TLN1: variants seen among roughly 807,000 people sequenced by gnomAD.
TLN1 encodes talin-1.
Under a neutral mutation model 292.3 loss-of-function variants are expected in TLN1, and 56 were observed. The ratio of observed to expected loss-of-function variants is 0.19; its 90% CI spans 0.15 to 0.24. TLN1 has a LOEUF of 0.24. Among genes scored for constraint, TLN1 ranks in the 10% least tolerant of loss-of-function variants. TLN1 has a pLI of 1.00. For missense variants in TLN1, 2,433 were observed against 3,248.2 expected (o/e 0.75, Z 6.10); for synonymous variants, 1,119 against 1,253.7 (o/e 0.89, Z 2.27).
In TLN1 at chr9:35,713,925, G is replaced by GT. The variant is rs775518659; in HGVS notation, c.3249+27dup. 550 of 1,613,466 alleles carry GT rather than the reference G, an allele frequency of 3.4e-4. 1 individual carries two copies. In the Middle Eastern group the frequency reaches 3.6e-3, roughly 11 times the overall value. The stretch of plus-strand genomic sequence containing the variant: ...GGTGAAGGAAGACTTTAGGATTTGA[G>GT]TAAGAATGAGGTCTTAAACATACTT... On this transcript the variant is annotated intron_variant, in intron 25 of 56. Coordinates refer to ENST00000314888, the MANE Select transcript of TLN1 (RefSeq NM_006289.4).
At position 35,720,635 on chromosome 9, in the gene TLN1, T is replaced by TC. The variant is rs968315062; in HGVS notation, c.1207-127_1207-126insG. 7.0e-6 allele frequency: 8 copies of TC among 1,138,038 alleles called. No homozygotes were observed. In the African/African-American group the frequency reaches 1.3e-4, roughly 18 times the overall value. 70.5% of individuals were successfully genotyped at this position (1,138,038 alleles called of 1,614,324 possible). ...TGAGTGTCCATTTCTTTTTCTTTTT[T>TC]TTTTTTTTTTGACAAGAAAGGGCTC... On this transcript the variant is annotated intron_variant, in intron 11 of 56. Coordinates refer to ENST00000314888, the MANE Select transcript of TLN1 (RefSeq NM_006289.4).
At position 35,714,377 on chromosome 9, in the gene TLN1, T is replaced by C. The variant is rs1242587306; in HGVS notation, c.2986-4A>G. ...CTGCCACCATCTTCCCACCTGGCTG[T>C]TGGGGAATAGGCAGGTGGATGAAGT... On this transcript the variant is annotated splice_region_variant and splice_polypyrimidine_tract_variant and intron_variant, in intron 23 of 56. Coordinates refer to ENST00000314888, the MANE Select transcript of TLN1 (RefSeq NM_006289.4). The surrounding 1 kb of genome is among the most constrained non-coding windows in gnomAD (Gnocchi z 4.6). 2 of 1,608,020 alleles carry C rather than the reference T, an allele frequency of 1.2e-6. No individual in the cohort carries two copies. The highest frequency in any genetic ancestry group is 1.7e-4 in the Middle Eastern group (1 of 5,750).
In TLN1 at chr9:35,699,481, G is replaced by A; in HGVS notation, c.6769-20C>T. 2 of 1,603,954 alleles carry A rather than the reference G, an allele frequency of 1.2e-6. No homozygotes were observed. On this transcript the variant is annotated intron_variant, in intron 50 of 56. Coordinates refer to ENST00000314888, the MANE Select transcript of TLN1 (RefSeq NM_006289.4). The surrounding 1 kb of genome is among the most constrained non-coding windows in gnomAD (Gnocchi z 4.0). ...CAGGGTCTGGGCAAGAAGCGGGCAG[G>A]GGACAAAGAGCATCACATCTTAGGG... is the stretch of plus-strand genomic sequence containing the variant.
In TLN1 at chr9:35,719,311, G is replaced by A. The variant is rs765523719; in HGVS notation, c.1688-29C>T. 151 of 1,600,652 alleles carry A rather than the reference G, an allele frequency of 9.4e-5. 2 individuals are homozygous for A. The South Asian group carries it at 1.6e-3, about 17-fold the overall frequency. The stretch of plus-strand genomic sequence containing the variant: ...AGGGGAAAAGGAGAAAGAGGAACAT[G>A]AGAGACAGGGCAGGCCAGACGAAGG... On this transcript the variant is annotated intron_variant, in intron 15 of 56. Coordinates refer to ENST00000314888, the MANE Select transcript of TLN1 (RefSeq NM_006289.4). This position sits in a 1 kb window ranked among gnomAD's most constrained non-coding sequence, Gnocchi z 4.6.
rs368071812 is a variant in TLN1, at chr9:35,720,376, G to T, written c.1283+57C>A. 1.0e-4 allele frequency: 160 copies of T among 1,595,466 alleles called. No homozygotes were observed. In the African/African-American group the frequency reaches 2.1e-3, roughly 21 times the overall value. On this transcript the variant is annotated intron_variant, in intron 12 of 56. Coordinates refer to ENST00000314888, the MANE Select transcript of TLN1 (RefSeq NM_006289.4). ...TCCCCACCTCCCAAGAGTCCTTAGA[G>T]TCAGGCCTTGCCTTCTCTACCCCTG...
chr9:35,706,012 C>A lies in TLN1; in HGVS notation c.5461G>T (p.Ala1821Ser). The A allele has an allele frequency of 6.2e-7, 1 of 1,614,228 alleles. No homozygotes were observed. The highest frequency in any genetic ancestry group is 1.1e-5 in the South Asian group (1 of 91,090). Residue 1821 changes from alanine to serine, a missense_variant, in exon 41 of 57, where the codon GCT (alanine) becomes TCT (serine). Physicochemically the swap from Ala to Ser is moderately conservative, Grantham distance 99 (BLOSUM62 1). Coordinates refer to ENST00000314888, the MANE Select transcript of TLN1 (RefSeq NM_006289.4). The surrounding 1 kb of genome is among the most constrained non-coding windows in gnomAD (Gnocchi z 4.2). The stretch of plus-strand genomic sequence containing the variant: ...TCCACCATGCCACCCACGACCCCAG[C>A]AGCACTGGCTGCCTCGTTGAGGGTT... ...TTTLNEAASA[A>S]GVVGGMVDSI...
intron 20 of TLN1, among the ~76,000 whole-genome samples, chr9:35,716,114 G>A (rs942104662): frequency 4.0e-5 from 6 of 151,226 alleles, no homozygotes; most frequent in Non-Finnish European, 5.9e-5. Context: ...CTAACACTTC[G>A]GGAGGCCAAG....
At chr9:35,722,093 G>C (rs1030296867) in intron 9 of TLN1, 26 bp downstream of exon 9, 3 of 1,586,120 alleles carry the variant, frequency 1.9e-6, no homozygotes, top group Admixed American at 3.3e-5. Flanking sequence ...AAACAAGGAG[G>C]GCAGTGAAAA....
chr9:35,703,722 A>C, intron 47 of TLN1, 46 bp from the exon 48 acceptor site: 1 of 1,614,174 alleles, frequency 6.2e-7, no homozygotes, highest in Non-Finnish European at 8.5e-7. Context: ...AAGGAACAGG[A>C]GGAAGTATGT....
intron 25 of TLN1, among the ~76,000 whole-genome samples, 183 bp from the exon 26 acceptor site, chr9:35,713,481 C>G (rs1363058631): frequency 6.6e-6 from 1 of 151,972 alleles, no homozygotes; most frequent in African/African-American, 2.4e-5. Flanking sequence ...GTCAGGAGTT[C>G]AAGACCAGCC....
intron 17 of TLN1, among the ~76,000 whole-genome samples, chr9:35,718,488 C>A (rs1226125705): frequency 6.6e-6 from 1 of 152,126 alleles, no homozygotes; most frequent in East Asian, 1.9e-4. Flanking sequence ...GAACACTATT[C>A]TCAGGGTGGC....
rs1825535881 is a variant in TLN1 at position 35,704,899 on chromosome 9, T to C, written c.5734-84A>G. ...GTGCTTGGAAAAGTCACTAAGGACA[T>C]AGAAAAAAACATGCATTGTAGACTA... On this transcript the variant is annotated intron_variant, in intron 43 of 56. Coordinates refer to ENST00000314888, the MANE Select transcript of TLN1 (RefSeq NM_006289.4). The surrounding 1 kb of genome is among the most constrained non-coding windows in gnomAD (Gnocchi z 6.9). 1 of 1,434,520 alleles carries C rather than the reference T, an allele frequency of 7.0e-7. No individual in the cohort carries two copies. Among genetic ancestry groups the C allele is most frequent in the East Asian group, 2.3e-5 (1 of 42,588 alleles). The allele number at this position is 1,434,520 out of a possible 1,614,324, so 88.9% of individuals were successfully genotyped here. A position where few individuals can be genotyped will look rare whatever the true frequency, so the allele number is the denominator to read the frequency against.
At position 35,697,688 on chromosome 9, in the gene TLN1, G is replaced by A; in HGVS notation, c.*103C>T. On this transcript the variant is annotated 3_prime_UTR_variant, in exon 57 of 57. Coordinates refer to ENST00000314888, the MANE Select transcript of TLN1 (RefSeq NM_006289.4). ...CCCTGGGGTTTGGCAGGCACTTTGG[G>A]GAGTGCTGGGGTTGGGCAGGTTGGG... The A allele has an allele frequency of 6.6e-7, 1 of 1,511,844 alleles. No individual in the cohort carries two copies. Among genetic ancestry groups the A allele is most frequent in the African/African-American group, 1.4e-5 (1 of 72,270 alleles). The allele number at this position is 1,511,844 out of a possible 1,614,324, so 93.7% of individuals were successfully genotyped here. A position where few individuals can be genotyped will look rare whatever the true frequency, so the allele number is the denominator to read the frequency against.
intron 27 of TLN1, 39 bp downstream of exon 27, chr9:35,712,796 A>G: frequency 6.5e-7 from 1 of 1,529,472 alleles, no homozygotes; most frequent in Non-Finnish European, 8.9e-7. Context: ...TTATGAAGGA[A>G]CCTGGGGGAG....
chr9:35,717,071 C>T lies in TLN1; in HGVS notation c.2458+75G>A, dbSNP rs1451481312. 7.9e-6 allele frequency: 12 copies of T among 1,514,166 alleles called. No homozygotes were observed. The highest frequency in any genetic ancestry group is 4.5e-5 in the East Asian group (2 of 43,962). 93.8% of individuals were successfully genotyped at this position (1,514,166 alleles called of 1,614,324 possible). A position where few individuals can be genotyped will look rare whatever the true frequency, so the allele number is the denominator to read the frequency against. ...TTCCTTGGGGTGAAGTGGTTAGGTC[C>T]GCAAGGGGATGATGTCCAGTGGGCT... On this transcript the variant is annotated intron_variant, in intron 19 of 56. Coordinates refer to ENST00000314888, the MANE Select transcript of TLN1 (RefSeq NM_006289.4). This position sits in a 1 kb window ranked among gnomAD's most constrained non-coding sequence, Gnocchi z 4.7.
At position 35,725,333 on chromosome 9, in the gene TLN1, G is replaced by T; in HGVS notation, c.131-12C>A. The T allele has an allele frequency of 6.2e-7, 1 of 1,613,298 alleles. No individual in the cohort carries two copies. Among genetic ancestry groups the T allele is most frequent in the South Asian group, 1.1e-5 (1 of 91,046 alleles). ...CCCAAAGTCGCTGGCTAAAAGAGAG[G>T]ATGGATCACTTTAGGCTTATGAAGA... On this transcript the variant is annotated splice_polypyrimidine_tract_variant and intron_variant, in intron 2 of 56. Transcript: ENST00000314888.
chr9:35,711,913 G>A (rs1407567227), intron 28 of TLN1, 92 bp downstream of exon 28: 2 of 1,593,572 alleles, frequency 1.3e-6, no homozygotes, highest in Non-Finnish European at 1.7e-6. Flanking sequence ...ACAGATCTGG[G>A]AAGTCAGGGT....
At position 35,720,633 on chromosome 9, in the gene TLN1, T is replaced by C. The variant is rs1319865849; in HGVS notation, c.1207-124A>G. ...GCTGAGTGTCCATTTCTTTTTCTTT[T>C]TTTTTTTTTTTTGACAAGAAAGGGC... On this transcript the variant is annotated intron_variant, in intron 11 of 56. Transcript: ENST00000314888. 6.8e-6 allele frequency: 7 copies of C among 1,036,840 alleles called. No homozygotes were observed. The East Asian group carries it at 1.0e-4, about 15-fold the overall frequency. The allele number at this position is 1,036,840 out of a possible 1,614,324, so 64.2% of individuals were successfully genotyped here.
At chr9:35,713,071 G>T in intron 26 of TLN1, 28 bp from the exon 27 acceptor site, 2 of 1,582,510 alleles carry the variant, frequency 1.3e-6, no homozygotes, top group Non-Finnish European at 1.7e-6. Flanking sequence ...AAGAGGGAAG[G>T]GAAGGTGCTT....
Sources: gnomAD v4.1 joint callset for allele counts (sites outside exome capture counted in the v4.1 genomes callset) on GRCh38, gnomAD v4.1.1 for gene constraint, Gnocchi (gnomAD v3.1) non-coding constraint, MANE v1.5 for transcripts, NCBI Gene and HGNC (gene_info 2026-07-23, HGNC 2026-07-21) for gene names.